The following GPR158 variants were observed in gnomAD, a reference collection of about 807,000 sequenced individuals.
GPR158 encodes metabotropic glycine receptor.
GPR158 carries 30 observed loss-of-function variants against 78.2 expected under a neutral mutation model. The observed-to-expected ratio is 0.38, with a 90% CI of 0.29 to 0.52. GPR158 has a LOEUF of 0.52. Among genes scored for constraint, GPR158 ranks in the 20% least tolerant of loss-of-function variants. The pLI is 0.83. For missense variants in GPR158, 1,463 were observed against 1,523.5 expected (o/e 0.96, Z 0.66); for synonymous variants, 581 against 591.1 (o/e 0.98, Z 0.25).
chr10:25,422,628 CA>C (rs10634150), intron 4 of GPR158, among the ~76,000 whole-genome samples: 62 of 143,192 alleles, frequency 4.3e-4, no homozygotes, highest in East Asian at 2.7e-3. Context: ...ATTGTATTTG[CA>C]AAAAAAAAAA....
intron 2 of GPR158, among the ~76,000 whole-genome samples, chr10:25,278,516 C>G (rs1295738352): frequency 6.6e-6 from 1 of 151,866 alleles, no homozygotes; most frequent in African/African-American, 2.4e-5. Context: ...AGAAGTAATG[C>G]CTTAGTATTT....
At chr10:25,594,922 T>C (rs1420149991) in intron 9 of GPR158, among the ~76,000 whole-genome samples, 1 of 152,176 alleles carries the variant, frequency 6.6e-6, no homozygotes, top group African/African-American at 2.4e-5. Context: ...CTCGTGGACC[T>C]TCCAGAAACT....
chr10:25,222,032 G>A (rs1853305392), intron 2 of GPR158, among the ~76,000 whole-genome samples: 1 of 152,032 alleles, frequency 6.6e-6, no homozygotes, highest in Non-Finnish European at 1.5e-5. Context: ...TTTAAGGAAG[G>A]AATTTTAAAT....
intron 1 of GPR158, among the ~76,000 whole-genome samples, chr10:25,184,695 AC>A: frequency 6.6e-6 from 1 of 152,368 alleles, no homozygotes; most frequent in Admixed American, 6.5e-5. Flanking sequence ...AAAATAAAAG[AC>A]CACTGAGGAC....
At chr10:25,487,124 G>C (rs988413771) in intron 5 of GPR158, among the ~76,000 whole-genome samples, 1 of 152,062 alleles carries the variant, frequency 6.6e-6, no homozygotes, top group Non-Finnish European at 1.5e-5. Context: ...TGTGGGTGCT[G>C]TTATTCTGCT....
chr10:25,337,826 T>C (rs1056100367), intron 2 of GPR158, among the ~76,000 whole-genome samples: 1 of 152,064 alleles, frequency 6.6e-6, no homozygotes, highest in Non-Finnish European at 1.5e-5. Flanking sequence ...TTTTAGCCTA[T>C]CTGATGTGCA....
At chr10:25,226,064 C>T (rs141029978) in intron 2 of GPR158, among the ~76,000 whole-genome samples, 1 of 151,946 alleles carries the variant, frequency 6.6e-6, no homozygotes, top group African/African-American at 2.4e-5. Flanking sequence ...TGTGTCAGTT[C>T]CATCTTGTGG....
chr10:25,501,277 C>T (rs533943751), intron 5 of GPR158, among the ~76,000 whole-genome samples: 28 of 152,276 alleles, frequency 1.8e-4, no homozygotes, highest in African/African-American at 6.3e-4. Flanking sequence ...CGGGGCATGG[C>T]GTCCTTCTAC....
At position 25,202,897 on chromosome 10, in the gene GPR158, C is replaced by T. The variant is rs117713989; in HGVS notation, c.903-18155C>T. ...CAGTGTAAAAGTGTCCCTATTTCTC[C>T]GTGTCCTCTCCAGCACCTGTTGTTT... is the stretch of plus-strand genomic sequence containing the variant. On this transcript the variant is annotated intron_variant, in intron 1 of 10. Transcript: ENST00000376351. Among the ~76,000 whole-genome samples the T allele has an allele frequency of 3.8e-3, 578 of 152,312 alleles. 3 individuals are homozygous for T. The highest frequency in any genetic ancestry group is 4.6e-3 in the East Asian group (24 of 5,180).
At chr10:25,377,715 CT>C (rs1209647410) in intron 2 of GPR158, among the ~76,000 whole-genome samples, 2 of 151,950 alleles carry the variant, frequency 1.3e-5, no homozygotes. Flanking sequence ...TACTACATTC[CT>C]TTTTATTGCT....
At chr10:25,438,761 C>T (rs888743982) in intron 4 of GPR158, among the ~76,000 whole-genome samples, 3 of 152,144 alleles carry the variant, frequency 2.0e-5, no homozygotes, top group Admixed American at 2.0e-4. Flanking sequence ...CGTAGGAACT[C>T]AGGATATTGT....
chr10:25,177,305 A>G (rs1196006253), intron 1 of GPR158, among the ~76,000 whole-genome samples: 1 of 152,138 alleles, frequency 6.6e-6, no homozygotes, highest in Admixed American at 6.5e-5. Context: ...TGAGGAAGGA[A>G]CTGAAAGAGT....
At chr10:25,475,975 A>G (rs945652803) in intron 5 of GPR158, 5 of 152,146 alleles carry the variant, frequency 3.3e-5, no homozygotes, top group Admixed American at 1.3e-4. Context: ...TTTCTAAGCA[A>G]TCTTAGACTA....
intron 2 of GPR158, among the ~76,000 whole-genome samples, chr10:25,278,914 A>G (rs746962723): frequency 1.3e-5 from 2 of 152,000 alleles, no homozygotes; most frequent in Non-Finnish European, 2.9e-5. Context: ...TAAGAAATAG[A>G]TAAAATAATC....
intron 2 of GPR158, among the ~76,000 whole-genome samples, chr10:25,358,083 C>T (rs1214516882): frequency 6.6e-6 from 1 of 152,124 alleles, no homozygotes; most frequent in Non-Finnish European, 1.5e-5. Flanking sequence ...TGCTGCATTT[C>T]AGACTGGCAT....
At chr10:25,255,830 A>C (rs1853882437) in intron 2 of GPR158, among the ~76,000 whole-genome samples, 1 of 152,200 alleles carries the variant, frequency 6.6e-6, no homozygotes, top group Non-Finnish European at 1.5e-5. Context: ...TTACATCCAC[A>C]ACATTCCTTC....
At chr10:25,428,402 A>C (rs544048974) in intron 4 of GPR158, among the ~76,000 whole-genome samples, 103 of 152,052 alleles carry the variant, frequency 6.8e-4, no homozygotes, top group Non-Finnish European at 1.2e-3. Flanking sequence ...TAATTATATA[A>C]AAAGATTAGC....
rs374858302 is a variant in GPR158 at position 25,315,613 on chromosome 10, T to C, written c.1009-80298T>C. On this transcript the variant is annotated intron_variant, in intron 2 of 10. Coordinates refer to ENST00000376351, the MANE Select transcript of GPR158 (RefSeq NM_020752.3). ...ACTATTGTATTTGATCTCAACTCTG[T>C]AATTTATATTGTTATAATTCTATGT... Among the ~76,000 whole-genome samples, 11 of 145,914 alleles carry C rather than the reference T, an allele frequency of 7.5e-5. No homozygotes were observed. The South Asian group carries it at 2.1e-3, about 28-fold the overall frequency.
intron 2 of GPR158, among the ~76,000 whole-genome samples, chr10:25,339,020 C>CTTTTTTTTTTTT (rs55774828): frequency 7.3e-6 from 1 of 137,234 alleles, no homozygotes; most frequent in Non-Finnish European, 1.6e-5. Context: ...TTCTTTCTTT[C>CTTTTTTTTTTTT]TTTTTTTTTT....
Sources: allele counts gnomAD v4.1 joint callset (sites outside exome capture counted in the v4.1 genomes callset), GRCh38; gene constraint gnomAD v4.1.1; transcripts MANE v1.5; gene names NCBI Gene and HGNC (gene_info 2026-07-23, HGNC 2026-07-21).